Variants in WDR45B observed in about 807,000 individuals in gnomAD.
WDR45B encodes the protein WD repeat domain 45B.
Under a neutral mutation model 44.6 loss-of-function variants are expected in WDR45B, and 20 were observed. The ratio of observed to expected loss-of-function variants is 0.45; its 90% confidence interval spans 0.32 to 0.65. WDR45B has a LOEUF of 0.65. Ranked by LOEUF, WDR45B falls within the 30% of genes least tolerant of loss-of-function variation. WDR45B has a pLI of 0.05. For missense variants in WDR45B, 323 were observed against 430.2 expected (o/e 0.75, Z 2.20); for synonymous variants, 169 against 164.9 (o/e 1.02, Z -0.19).
Position 82,625,406 on chromosome 17 carries a change from G to T in WDR45B, c.410C>A (p.Thr137Asn). The T allele has an allele frequency of 6.2e-7, 1 of 1,614,158 alleles. No homozygotes were observed. Among genetic ancestry groups the T allele is most frequent in the Non-Finnish European group, 8.5e-7 (1 of 1,180,036 alleles). ...HNPHQLHVFE[T>N]CYNPKGLCVL... ...TCTCTCACCTTTGGGGTTATAGCAGGTTTCGAAGACGTGCAACTGATGGGG... is the reference window on the plus strand; with the variant it reads ...TCTCTCACCTTTGGGGTTATAGCAGTTTTCGAAGACGTGCAACTGATGGGG... Residue 137 changes from threonine to asparagine, a missense_variant, in exon 5 of 10, where the codon ACC (threonine) becomes AAC (asparagine). Physicochemically the swap from Thr to Asn is moderately conservative, Grantham distance 65. Transcript: ENST00000392325.
At chr17:82,631,277 ATTTTTTTTTTTTTTT>A (rs386386786) in intron 2 of WDR45B, among the ~76,000 whole-genome samples, 1 of 86,822 alleles carries the variant, frequency 1.2e-5, no homozygotes, top group Admixed American at 1.3e-4. Context: ...TACAGGACTC[ATTTTTTTTTTTTTTT>A]TTTTTTTTTG....
intron 2 of WDR45B, among the ~76,000 whole-genome samples, chr17:82,631,577 G>T (rs1179315822): frequency 1.0e-5 from 1 of 99,900 alleles, no homozygotes; most frequent in African/African-American, 4.2e-5. Flanking sequence ...GAGCCACTGT[G>T]CCCGGCCTAC....
At chr17:82,644,838 T>C (rs183674372) in intron 1 of WDR45B, among the ~76,000 whole-genome samples, 2 of 152,292 alleles carry the variant, frequency 1.3e-5, no homozygotes, top group East Asian at 3.9e-4. Context: ...GCACAAGTGG[T>C]GTGAAAGCCC....
chr17:82,645,114 G>A (rs1252835757), intron 1 of WDR45B, among the ~76,000 whole-genome samples: 2 of 152,036 alleles, frequency 1.3e-5, no homozygotes, highest in African/African-American at 2.4e-5. Context: ...TGACCAACAC[G>A]ATGAAACCCC....
chr17:82,643,905 G>A (rs2045946545), intron 2 of WDR45B, 44 bp downstream of exon 2: 1 of 1,594,516 alleles, frequency 6.3e-7, no homozygotes, highest in Non-Finnish European at 8.6e-7. Context: ...AGACTCCGAG[G>A]GTTGGAAAGG....
At chr17:82,640,205 C>T (rs539369072) in intron 2 of WDR45B, among the ~76,000 whole-genome samples, 1 of 150,932 alleles carries the variant, frequency 6.6e-6, no homozygotes, top group Non-Finnish European at 1.5e-5. Context: ...ACTCAATGCA[C>T]AGTCACCCTG....
At chr17:82,620,827 A>G (rs941535222) in intron 6 of WDR45B, among the ~76,000 whole-genome samples, 2 of 152,170 alleles carry the variant, frequency 1.3e-5, no homozygotes, top group African/African-American at 4.8e-5. Context: ...TGACCTCGCA[A>G]ATCAAAGGAC....
intron 5 of WDR45B, among the ~76,000 whole-genome samples, chr17:82,624,643 G>C (rs1021022932): frequency 1.4e-5 from 2 of 140,856 alleles, no homozygotes; most frequent in Admixed American, 7.2e-5. Context: ...TTTTGAGATA[G>C]AGTCTTGCTC....
chr17:82,619,124 G>A lies in WDR45B; in HGVS notation c.623C>T (p.Thr208Met), dbSNP rs2045579300. ...TGAAGTATCAAATATTCTTATAAGCGTCCCCTTTGAAAAACAGTGAAGTGT... is the reference window on the plus strand; with the variant it reads ...TGAAGTATCAAATATTCTTATAAGCATCCCCTTTGAAAAACAGTGAAGTGT... ...TRIATASEKG[T>M]LIRIFDTSSG... The change falls in exon 7 of 10, where the codon ACG becomes ATG. Residue 208 changes from threonine to methionine, a missense_variant. By Grantham distance (81) the Thr-to-Met change is moderately conservative. Transcript: ENST00000392325. 1 of 1,613,928 alleles carries A rather than the reference G, an allele frequency of 6.2e-7. No homozygotes were observed. Among genetic ancestry groups the A allele is most frequent in the Non-Finnish European group, 8.5e-7 (1 of 1,179,842 alleles).
At chr17:82,616,087 T>G in intron 9 of WDR45B, 62 bp from the exon 10 acceptor site, 1 of 1,473,194 alleles carries the variant, frequency 6.8e-7, no homozygotes, top group Non-Finnish European at 9.4e-7. Context: ...AAGCAACGAG[T>G]CCCACTGAGC....
At chr17:82,645,820 A>G (rs1254549529) in intron 1 of WDR45B, among the ~76,000 whole-genome samples, 1 of 152,160 alleles carries the variant, frequency 6.6e-6, no homozygotes, top group African/African-American at 2.4e-5. Flanking sequence ...ACAAAAGAAC[A>G]TTGTACATCA....
At chr17:82,647,907 G>A (rs1316847552) in intron 1 of WDR45B, among the ~76,000 whole-genome samples, 2 of 151,374 alleles carry the variant, frequency 1.3e-5, no homozygotes, top group East Asian at 3.9e-4. Flanking sequence ...CAGGGAGCCA[G>A]GGAACCCGAG....
chr17:82,616,655 C>T lies in WDR45B; in HGVS notation c.807-10G>A, dbSNP rs548416739. 5.6e-6 allele frequency: 9 copies of T among 1,613,910 alleles called. No individual in the cohort carries two copies. The East Asian group carries it at 1.6e-4, about 28-fold the overall frequency. ...ACTGGCTGAGGCCAAACTGTGAAGA[C>T]AAGAAAAGAAAGGGTGGTTCAAAGT... On this transcript the variant is annotated splice_polypyrimidine_tract_variant and intron_variant, in intron 8 of 9. Coordinates refer to ENST00000392325, the MANE Select transcript of WDR45B (RefSeq NM_019613.4).
Position 82,616,639 on chromosome 17 carries a change from G to A in WDR45B, c.813C>T (p.Ala271=). Residue 271 remains alanine, a synonymous_variant, in exon 9 of 10, where the codon GCC becomes GCT. Transcript: ENST00000392325. ...DPKRNKQSSL[A]SASFLPKYFS... ...AGTATTTTGGAAGGAAACTGGCTGA[G>A]GCCAAACTGTGAAGACAAGAAAAGA... The A allele has an allele frequency of 6.2e-7, 1 of 1,614,166 alleles. No homozygotes were observed. The highest frequency in any genetic ancestry group is 8.5e-7 in the Non-Finnish European group (1 of 1,180,028).
rs963506585 is a variant in WDR45B, at chr17:82,638,093, C to T, written c.142+5856G>A. 8.8e-5 allele frequency among the ~76,000 whole-genome samples: 13 copies of T among 147,586 alleles called. 1 individual carries two copies. Among genetic ancestry groups the T allele is most frequent in the Non-Finnish European group, 1.5e-4 (10 of 67,228 alleles). On this transcript the variant is annotated intron_variant, in intron 2 of 9. Transcript: ENST00000392325. ...CCCAGCTACTTGGAAGGCTGAGGCA[C>T]GAGAATCGCTTGAACCCATGAGGTG...
At chr17:82,636,246 G>A (rs1260283869) in intron 2 of WDR45B, among the ~76,000 whole-genome samples, 1 of 117,650 alleles carries the variant, frequency 8.5e-6, no homozygotes, top group Non-Finnish European at 1.6e-5. Context: ...GGGTGACAGA[G>A]CAAGACTCCG....
intron 7 of WDR45B, 85 bp downstream of exon 7, chr17:82,618,958 C>A: frequency 7.6e-7 from 1 of 1,320,966 alleles, no homozygotes; most frequent in Non-Finnish European, 1.1e-6. Flanking sequence ...GGTGGCTGCT[C>A]CTACCCCCTC....
intron 2 of WDR45B, among the ~76,000 whole-genome samples, chr17:82,633,172 A>G (rs1419765927): frequency 2.0e-5 from 3 of 152,036 alleles, no homozygotes; most frequent in Non-Finnish European, 4.4e-5. Flanking sequence ...CAAAAAAAAA[A>G]AAAAAAAAAC....
rs954570796 is a variant in WDR45B, at chr17:82,615,685, C to T, written c.*234G>A. The T allele has an allele frequency of 3.6e-5, 20 of 554,364 alleles. No individual in the cohort carries two copies. Among genetic ancestry groups the T allele is most frequent in the African/African-American group, 2.6e-4 (14 of 52,854 alleles). 34.3% of individuals were successfully genotyped at this position (554,364 alleles called of 1,614,324 possible). On this transcript the variant is annotated 3_prime_UTR_variant, in exon 10 of 10. Transcript: ENST00000392325. ...TGAACTCATGGGAACAGCCAGTGGC[C>T]GCCAGTCGAGCTGGTCACAGCCACT...
Sources: allele counts gnomAD v4.1 joint callset (sites outside exome capture counted in the v4.1 genomes callset), GRCh38; gene constraint gnomAD v4.1.1; transcripts MANE v1.5; gene names NCBI Gene and HGNC (gene_info 2026-07-23, HGNC 2026-07-21).